Variants in FMNL2 observed in about 807,000 individuals in gnomAD.
The protein encoded by FMNL2 is formin-like protein 2.
In FMNL2, 51 loss-of-function variants were observed where a neutral mutation model predicts 130.2. That is an observed-to-expected ratio of 0.39 (90% CI 0.31 to 0.49). The LOEUF (loss-of-function observed/expected upper bound fraction) is 0.49. Among genes scored for constraint, FMNL2 ranks in the 20% least tolerant of loss-of-function variants. The probability of loss-of-function intolerance (pLI) is 0.85; values close to 1 mark genes in which losing one functional copy is unlikely to be tolerated. For synonymous variants in FMNL2, 465 were observed against 467.1 expected (o/e 1.00, Z 0.06); for missense variants, 977 against 1,316.2 (o/e 0.74, Z 3.99).
intron 9 of FMNL2, among the ~76,000 whole-genome samples, chr2:152,595,088 C>T (rs1175845965): frequency 6.6e-6 from 1 of 152,096 alleles, no homozygotes; most frequent in African/African-American, 2.4e-5. Context: ...ATAAGGGCTC[C>T]TTCCCTGCCA....
chr2:152,612,232 A>G (rs1429824571), intron 11 of FMNL2, among the ~76,000 whole-genome samples: 1 of 152,144 alleles, frequency 6.6e-6, no homozygotes, highest in Non-Finnish European at 1.5e-5. Flanking sequence ...AAAATCAGAA[A>G]TGGTCTTGAA....
rs1401407841 is a variant in FMNL2 at position 152,564,686 on chromosome 2, T to C, written c.596+3651T>C. 2.9e-4 allele frequency among the ~76,000 whole-genome samples: 43 copies of C among 148,714 alleles called. No individual in the cohort carries two copies. In the Admixed American group the frequency reaches 2.9e-3, roughly 10 times the overall value. On this transcript the variant is annotated intron_variant, in intron 6 of 25. Transcript: ENST00000288670. ...AGGCAGAGGTTGCAGTGAGCTGAGA[T>C]CATGCCACTGCACTCCAGCCTGGGT...
intron 1 of FMNL2, among the ~76,000 whole-genome samples, chr2:152,504,101 G>T (rs899571292): frequency 1.3e-5 from 2 of 152,204 alleles, no homozygotes; most frequent in African/African-American, 4.8e-5. Flanking sequence ...TGGGGCATGA[G>T]AATTGCTTGA....
intron 1 of FMNL2, among the ~76,000 whole-genome samples, chr2:152,478,178 T>C: frequency 6.6e-6 from 1 of 150,538 alleles, no homozygotes; most frequent in East Asian, 1.9e-4. Flanking sequence ...GTTACATTGT[T>C]TGAAAAATTC....
intron 1 of FMNL2, among the ~76,000 whole-genome samples, chr2:152,439,256 G>C (rs1260244979): frequency 6.6e-6 from 1 of 152,118 alleles, no homozygotes; most frequent in African/African-American, 2.4e-5. Context: ...AAGGGGAGCT[G>C]TTAATAGTTT....
intron 1 of FMNL2, among the ~76,000 whole-genome samples, chr2:152,422,581 A>G (rs1219403799): frequency 2.6e-5 from 4 of 152,066 alleles, no homozygotes; most frequent in Admixed American, 6.6e-5. Context: ...CTGAAGTGTA[A>G]TGACACCATC....
chr2:152,611,459 T>C, intron 10 of FMNL2, 36 bp from the exon 11 acceptor site: 2 of 1,277,142 alleles, frequency 1.6e-6, no homozygotes, highest in South Asian at 1.3e-5. Flanking sequence ...GAAAAAAGTT[T>C]GGAGCCCATC....
Position 152,356,689 on chromosome 2 carries a change from G to A in FMNL2, c.117+20969G>A, listed in dbSNP as rs535110023. Among the ~76,000 whole-genome samples the A allele has an allele frequency of 1.9e-4, 29 of 150,172 alleles. No individual in the cohort carries two copies. The South Asian group carries it at 4.4e-3, about 23-fold the overall frequency. On this transcript the variant is annotated intron_variant, in intron 1 of 25. Transcript: ENST00000288670. ...TTGTTTCAGCATGCATACTGTACAC[G>A]TGTATCCTTTTTGCTTTCTATTTAG...
At chr2:152,423,247 C>G (rs1687012750) in intron 1 of FMNL2, among the ~76,000 whole-genome samples, 1 of 152,196 alleles carries the variant, frequency 6.6e-6, no homozygotes, top group Non-Finnish European at 1.5e-5. Flanking sequence ...AGGCACTGTT[C>G]TAAGTGCTTT....
At chr2:152,410,965 T>A (rs1261474184) in intron 1 of FMNL2, among the ~76,000 whole-genome samples, 1 of 152,174 alleles carries the variant, frequency 6.6e-6, no homozygotes, top group Non-Finnish European at 1.5e-5. Context: ...AATCACTAAG[T>A]GTACTGATAG....
chr2:152,471,718 C>T (rs1451855272), intron 1 of FMNL2, among the ~76,000 whole-genome samples: 1 of 151,916 alleles, frequency 6.6e-6, no homozygotes. Context: ...AGGCCTGTTA[C>T]GAGTTCGTTT....
chr2:152,545,931 C>T (rs1055270930), intron 3 of FMNL2, among the ~76,000 whole-genome samples: 4 of 152,132 alleles, frequency 2.6e-5, no homozygotes, highest in South Asian at 2.1e-4. Context: ...AGTTTGCCTC[C>T]GTTATCAGGC....
At chr2:152,369,731 A>C (rs1233614971) in intron 1 of FMNL2, among the ~76,000 whole-genome samples, 2 of 152,226 alleles carry the variant, frequency 1.3e-5, no homozygotes, top group Non-Finnish European at 2.9e-5. Context: ...AAAGAATGCA[A>C]GGATGTGGAA....
chr2:152,626,777 G>T, intron 17 of FMNL2, 50 bp downstream of exon 17: 1 of 1,511,542 alleles, frequency 6.6e-7, no homozygotes, highest in South Asian at 1.3e-5. Flanking sequence ...AAATGAAAAT[G>T]AGAAAGTTAT....
At chr2:152,565,842 C>T (rs1437681) in intron 6 of FMNL2, among the ~76,000 whole-genome samples, 111,134 of 151,968 alleles carry the variant, frequency 0.73, 40,876 homozygotes, top group East Asian at 0.81. Flanking sequence ...TGCAGTGGCA[C>T]GATCATAGCT....
At chr2:152,363,707 G>A (rs929961554) in intron 1 of FMNL2, among the ~76,000 whole-genome samples, 85 of 152,106 alleles carry the variant, frequency 5.6e-4, no homozygotes, top group Middle Eastern at 3.4e-3. Context: ...GATTACAGGC[G>A]CCTGCCAACA....
intron 2 of FMNL2, among the ~76,000 whole-genome samples, chr2:152,530,699 T>C (rs1693640655): frequency 6.6e-6 from 1 of 152,200 alleles, no homozygotes; most frequent in Admixed American, 6.5e-5. Flanking sequence ...CCCAGATACA[T>C]ACTGTTTCCT....
intron 8 of FMNL2, among the ~76,000 whole-genome samples, chr2:152,580,486 A>G (rs16831410): frequency 0.16 from 24,659 of 152,168 alleles, 2,402 homozygotes; most frequent in African/African-American, 0.27. Context: ...CTGTCCCTAC[A>G]TGAGCAGATT....
chr2:152,542,156 G>A (rs1179290659), intron 2 of FMNL2, among the ~76,000 whole-genome samples: 3 of 152,032 alleles, frequency 2.0e-5, no homozygotes, highest in Non-Finnish European at 2.9e-5. Context: ...GATCTTCCAG[G>A]TTGGAATCCA....
Sources: allele counts gnomAD v4.1 joint callset (sites outside exome capture counted in the v4.1 genomes callset), GRCh38; gene constraint gnomAD v4.1.1; transcripts MANE v1.5; gene names NCBI Gene and HGNC (gene_info 2026-07-23, HGNC 2026-07-21).